HCK: variants seen among roughly 807,000 people sequenced by gnomAD.
HCK encodes the protein tyrosine-protein kinase HCK.
Under a neutral mutation model 70.4 loss-of-function variants are expected in HCK, and 40 were observed. The ratio of observed to expected loss-of-function variants is 0.57; its 90% CI spans 0.44 to 0.74. The LOEUF is 0.74. HCK is among the 30% of genes least tolerant of loss of function. HCK has a pLI of 0.00. For missense variants in HCK, 568 were observed against 697.2 expected (o/e 0.81, Z 2.09); for synonymous variants, 245 against 263.2 (o/e 0.93, Z 0.67).
At chr20:32,062,023 T>C (rs2045386387) in intron 1 of HCK, among the ~76,000 whole-genome samples, 1 of 139,474 alleles carries the variant, frequency 7.2e-6, no homozygotes, top group South Asian at 2.4e-4. Context: ...CCCTGCAACC[T>C]CTGACTCTGG....
At chr20:32,090,551 T>G (rs1386887729) in intron 10 of HCK, among the ~76,000 whole-genome samples, 1 of 152,190 alleles carries the variant, frequency 6.6e-6, no homozygotes, top group African/African-American at 2.4e-5. Flanking sequence ...GCCTTTCTTT[T>G]GTCTCCCCCA....
chr20:32,053,545 C>T (rs1466071556), intron 1 of HCK, among the ~76,000 whole-genome samples: 1 of 143,576 alleles, frequency 7.0e-6, no homozygotes, highest in Non-Finnish European at 1.5e-5. Flanking sequence ...GGCTGAGGCA[C>T]GAGAATCACT....
At chr20:32,070,005 C>T (rs1229241619) in intron 1 of HCK, among the ~76,000 whole-genome samples, 3 of 152,146 alleles carry the variant, frequency 2.0e-5, no homozygotes, top group African/African-American at 7.2e-5. Context: ...AGAAATGAAA[C>T]ATTTCTTCCA....
At chr20:32,064,484 T>C (rs935198883) in intron 1 of HCK, among the ~76,000 whole-genome samples, 2 of 152,230 alleles carry the variant, frequency 1.3e-5, no homozygotes, top group African/African-American at 4.8e-5. Context: ...AGGAAAGAGC[T>C]GCAGCTTCTT....
In HCK at chr20:32,052,386, T is replaced by G; in HGVS notation, c.-39T>G. 1 of 1,278,922 alleles carries G rather than the reference T, an allele frequency of 7.8e-7. No homozygotes were observed. The highest frequency in any genetic ancestry group is 1.0e-6 in the Non-Finnish European group (1 of 1,001,974). The allele number at this position is 1,278,922 out of a possible 1,614,324, so 79.2% of individuals were successfully genotyped here. On this transcript the variant is annotated 5_prime_UTR_variant, in exon 1 of 13. Transcript: ENST00000375852. ...CGCCTCTAGTTCTAGAAAGTCAGTT[T>G]CCCGGCACTGGCACCCCGGAACCTC...
At chr20:32,079,251 A>G (rs1317220054) in intron 5 of HCK, among the ~76,000 whole-genome samples, 3 of 152,222 alleles carry the variant, frequency 2.0e-5, no homozygotes, top group African/African-American at 7.2e-5. Context: ...ATTCAACTCC[A>G]TATATGCGGA....
At chr20:32,097,987 G>T (rs2045979608) in intron 11 of HCK, among the ~76,000 whole-genome samples, 1 of 151,998 alleles carries the variant, frequency 6.6e-6, no homozygotes, top group Admixed American at 6.6e-5. Flanking sequence ...AGAACAGGCT[G>T]GGTAACATAA....
At chr20:32,098,961 T>C (rs2045994040) in intron 11 of HCK, 43 bp from the exon 12 acceptor site, 2 of 1,602,024 alleles carry the variant, frequency 1.2e-6, no homozygotes, top group Non-Finnish European at 1.7e-6. Flanking sequence ...CAACCCTCAC[T>C]ACTCCCCAGC....
At chr20:32,066,799 G>A (rs1277574403) in intron 1 of HCK, among the ~76,000 whole-genome samples, 2 of 152,152 alleles carry the variant, frequency 1.3e-5, no homozygotes, top group African/African-American at 4.8e-5. Context: ...AATGGTAGTA[G>A]CAGTCCCACC....
intron 1 of HCK, among the ~76,000 whole-genome samples, chr20:32,070,723 T>A (rs1190342448): frequency 6.6e-6 from 1 of 152,084 alleles, no homozygotes; most frequent in Middle Eastern, 3.2e-3. Flanking sequence ...CTGTCTCCCA[T>A]TCGGCTGCAG....
At chr20:32,052,510 G>A (rs1331957457) in intron 1 of HCK, 24 bp downstream of exon 1, 2 of 1,260,068 alleles carry the variant, frequency 1.6e-6, no homozygotes, top group African/African-American at 1.6e-5. Context: ...ACAGGGGACC[G>A]GGAATACCCG....
chr20:32,084,629 G>C, intron 8 of HCK, 86 bp downstream of exon 8: 1 of 1,270,436 alleles, frequency 7.9e-7, no homozygotes, highest in Non-Finnish European at 1.1e-6. Flanking sequence ...TTATGGCAAA[G>C]CGGGAATGCT....
intron 5 of HCK, among the ~76,000 whole-genome samples, chr20:32,077,397 G>T (rs1047149924): frequency 3.9e-5 from 6 of 152,162 alleles, no homozygotes; most frequent in African/African-American, 1.4e-4. Context: ...CCTCCCAGAT[G>T]CTTCCTCCTT....
chr20:32,078,475 C>G (rs1007965074), intron 5 of HCK, among the ~76,000 whole-genome samples: 1 of 152,104 alleles, frequency 6.6e-6, no homozygotes, highest in Non-Finnish European at 1.5e-5. Context: ...TGGAGTTAGA[C>G]TGCCTAGCTT....
At chr20:32,059,419 C>CT (rs1555874082) in intron 1 of HCK, among the ~76,000 whole-genome samples, 1 of 145,180 alleles carries the variant, frequency 6.9e-6, no homozygotes, top group Admixed American at 7.0e-5. Flanking sequence ...TTCTCTCTCT[C>CT]TCTTTCTTTC....
rs997336181 is a variant in HCK, at chr20:32,101,412, C to T, written c.1474C>T (p.Arg492Cys). The change falls in exon 13 of 13, where the codon CGC (arginine) becomes TGC (cysteine). Residue 492 changes from arginine (R) to cysteine (C), a missense_variant. Physicochemically the swap from Arg to Cys is radical, Grantham distance 180. Transcript: ENST00000375852. ...AGAGGAGCTCTACAACATCATGATG[C>T]GCTGCTGGAAAAACCGTCCGGAGGA... The T allele has an allele frequency of 9.9e-6, 16 of 1,614,198 alleles. No individual in the cohort carries two copies. Among genetic ancestry groups the T allele is most frequent in the South Asian group, 2.2e-5 (2 of 91,078 alleles).
chr20:32,052,789 GGGC>G (rs200859654), intron 1 of HCK, among the ~76,000 whole-genome samples: 14,942 of 139,768 alleles, frequency 0.11, 1,755 homozygotes, highest in Admixed American at 0.22. Flanking sequence ...TCTTGGGGGG[GGGC>G]GGGGATTTTT....
chr20:32,095,991 G>A (rs2045949933), intron 11 of HCK, among the ~76,000 whole-genome samples: 1 of 151,808 alleles, frequency 6.6e-6, no homozygotes, highest in African/African-American at 2.4e-5. Context: ...CTGGGTTTAA[G>A]TGATTGTCCT....
intron 2 of HCK, among the ~76,000 whole-genome samples, chr20:32,072,826 C>G (rs990151194): frequency 6.6e-6 from 1 of 152,064 alleles, no homozygotes; most frequent in Non-Finnish European, 1.5e-5. Context: ...GGTCACAGCT[C>G]AAGAAACCTG....
Sources: allele counts gnomAD v4.1 joint callset (sites outside exome capture counted in the v4.1 genomes callset), GRCh38; gene constraint gnomAD v4.1.1; transcripts MANE v1.5; gene names NCBI Gene and HGNC (gene_info 2026-07-23, HGNC 2026-07-21).